Variants in CDH18 observed in about 807,000 individuals in gnomAD.
CDH18 encodes the protein cadherin-18.
CDH18 carries 31 observed loss-of-function variants against 67.9 expected under a neutral mutation model. The ratio of observed to expected loss-of-function variants is 0.46; its 90% confidence interval spans 0.34 to 0.62. CDH18 has a LOEUF of 0.62. Ranked by LOEUF, CDH18 falls within the 20% of genes least tolerant of loss-of-function variation. CDH18 has a pLI of 0.01. For missense variants in CDH18, 890 were observed against 975.5 expected (o/e 0.91, Z 1.17); for synonymous variants, 362 against 347.2 (o/e 1.04, Z -0.48).
At chr5:19,558,832 G>C (rs957347713) in intron 8 of CDH18, among the ~76,000 whole-genome samples, 4 of 151,706 alleles carry the variant, frequency 2.6e-5, no homozygotes, top group South Asian at 2.1e-4. Flanking sequence ...AAAACCAAAA[G>C]GGGACATAAC....
chr5:20,242,636 A>ATATATATG (rs1743059524), intron 2 of CDH18, among the ~76,000 whole-genome samples: 2 of 58,374 alleles, frequency 3.4e-5, no homozygotes, highest in African/African-American at 1.8e-4. Context: ...ATATATATGT[A>ATATATATG]TATATATATA....
chr5:19,635,422 A>G (rs895950935), intron 5 of CDH18, among the ~76,000 whole-genome samples: 3 of 152,192 alleles, frequency 2.0e-5, no homozygotes, highest in African/African-American at 7.2e-5. Flanking sequence ...ATCTTCTCAT[A>G]GTTTAATTAT....
At chr5:19,702,335 G>A (rs990075352) in intron 5 of CDH18, among the ~76,000 whole-genome samples, 1 of 151,696 alleles carries the variant, frequency 6.6e-6, no homozygotes, top group African/African-American at 2.4e-5. Context: ...TTTTAGTAGA[G>A]AGGTGGTTTC....
At chr5:20,207,159 T>C (rs1580478304) in intron 2 of CDH18, among the ~76,000 whole-genome samples, 1 of 151,790 alleles carries the variant, frequency 6.6e-6, no homozygotes, top group Admixed American at 6.6e-5. Flanking sequence ...ACAGAATATA[T>C]AGTCAACATA....
intron 5 of CDH18, among the ~76,000 whole-genome samples, chr5:19,660,145 G>T (rs533112625): frequency 1.3e-5 from 2 of 151,938 alleles, no homozygotes; most frequent in Non-Finnish European, 2.9e-5. Context: ...TCTATAAGTC[G>T]TTTTAAAATG....
intron 1 of CDH18, among the ~76,000 whole-genome samples, chr5:20,438,836 A>G (rs993707651): frequency 4.6e-5 from 7 of 151,524 alleles, no homozygotes; most frequent in African/African-American, 1.7e-4. Flanking sequence ...TCTTTCCTTT[A>G]ATTATAATTT....
chr5:20,467,510 C>T (rs949906481), intron 1 of CDH18, among the ~76,000 whole-genome samples: 5 of 152,100 alleles, frequency 3.3e-5, no homozygotes, highest in Non-Finnish European at 7.3e-5. Context: ...GACAGTCATT[C>T]AGTTGAGACA....
intron 9 of CDH18, among the ~76,000 whole-genome samples, chr5:19,543,317 G>T (rs1735734491): frequency 6.6e-6 from 1 of 151,916 alleles, no homozygotes; most frequent in South Asian, 2.1e-4. Context: ...AATATTCTGG[G>T]TGGAGGTAGA....
chr5:19,971,965 A>T (rs1332967482), intron 2 of CDH18, among the ~76,000 whole-genome samples: 1 of 152,068 alleles, frequency 6.6e-6, no homozygotes, highest in East Asian at 1.9e-4. Flanking sequence ...AACTACATAT[A>T]AAGGGAAACC....
chr5:19,624,808 G>A (rs1195825262), intron 5 of CDH18, among the ~76,000 whole-genome samples: 1 of 152,134 alleles, frequency 6.6e-6, no homozygotes, highest in Non-Finnish European at 1.5e-5. Flanking sequence ...TCTAGTACAA[G>A]CCCTTCCGAT....
chr5:20,554,640 T>C (rs762360104), intron 1 of CDH18, among the ~76,000 whole-genome samples: 56 of 152,204 alleles, frequency 3.7e-4, no homozygotes, highest in Non-Finnish European at 6.2e-4. Flanking sequence ...TCTCACTCCA[T>C]GTGCTTTCCA....
chr5:19,635,830 C>A (rs115263853), intron 5 of CDH18, among the ~76,000 whole-genome samples: 5,223 of 152,158 alleles, frequency 0.034, 303 homozygotes, highest in African/African-American at 0.12. Context: ...TGTTCAGGAT[C>A]ATATTATCCA....
chr5:20,413,373 T>C (rs1269011417), intron 1 of CDH18, among the ~76,000 whole-genome samples: 1 of 152,204 alleles, frequency 6.6e-6, no homozygotes, highest in African/African-American at 2.4e-5. Flanking sequence ...TGTAGATCCT[T>C]GAGGAATTAC....
intron 12 of CDH18, among the ~76,000 whole-genome samples, chr5:19,475,533 AACACAC>A (rs143709369): frequency 1.4e-5 from 2 of 146,804 alleles, no homozygotes; most frequent in African/African-American, 5.0e-5. Flanking sequence ...GACCATCTGC[AACACAC>A]ACACACACAC....
chr5:20,346,284 TCAACTATTTAACG>T (rs1178862723), intron 1 of CDH18, among the ~76,000 whole-genome samples: 1 of 152,172 alleles, frequency 6.6e-6, no homozygotes, highest in Non-Finnish European at 1.5e-5. Flanking sequence ...CTTTTGCTTA[TCAACTATTTAACG>T]GGACTAGAGG....
intron 1 of CDH18, among the ~76,000 whole-genome samples, chr5:20,263,126 G>A (rs777355461): frequency 2.6e-5 from 4 of 151,986 alleles, no homozygotes; most frequent in Non-Finnish European, 4.4e-5. Flanking sequence ...ATGTACCCTC[G>A]AGCATGCATT....
chr5:19,563,622 A>C (rs927969103), intron 8 of CDH18, among the ~76,000 whole-genome samples: 2 of 152,158 alleles, frequency 1.3e-5, no homozygotes, highest in African/African-American at 4.8e-5. Flanking sequence ...GCCAGGCTCT[A>C]ATTTTATTTT....
At chr5:20,356,576 A>AT (rs1370845868) in intron 1 of CDH18, among the ~76,000 whole-genome samples, 1 of 152,052 alleles carries the variant, frequency 6.6e-6, no homozygotes, top group Non-Finnish European at 1.5e-5. Context: ...AGTAAAGAGG[A>AT]TTTTTGTTTA....
At chr5:19,891,351 C>G (rs1788765291) in intron 2 of CDH18, among the ~76,000 whole-genome samples, 1 of 152,028 alleles carries the variant, frequency 6.6e-6, no homozygotes, top group African/African-American at 2.4e-5. Flanking sequence ...AGAAACCTTT[C>G]CCAAATCAAA....
Sources: gnomAD v4.1 joint callset for allele counts (sites outside exome capture counted in the v4.1 genomes callset) on GRCh38, gnomAD v4.1.1 for gene constraint, MANE v1.5 for transcripts, NCBI Gene and HGNC (gene_info 2026-07-23, HGNC 2026-07-21) for gene names.